The following DSP variants were observed in gnomAD, a reference collection of about 807,000 sequenced individuals.
The protein encoded by DSP is desmoplakin.
Under a neutral mutation model 290.6 loss-of-function variants are expected in DSP, and 114 were observed. The observed-to-expected ratio is 0.39, with a 90% CI of 0.34 to 0.46. The LOEUF is 0.46. Ranked by LOEUF, DSP falls within the 20% of genes least tolerant of loss-of-function variation. DSP has a pLI of 0.99. For missense variants in DSP, 3,230 were observed against 3,495.8 expected (o/e 0.92, Z 1.92); for synonymous variants, 1,311 against 1,316.4 (o/e 1.00, Z 0.09).
chr6:7,570,431 T>A lies in DSP; in HGVS notation c.1575-6T>A. 6.2e-7 allele frequency: 1 copy of A among 1,614,204 alleles called. No individual in the cohort carries two copies. Among genetic ancestry groups the A allele is most frequent in the Non-Finnish European group, 8.5e-7 (1 of 1,180,038 alleles). ...CTCTAGCATGTTTTCCCTTTGTGCC[T>A]CTTAGGATTGAGCAGTACTACGAAG... On this transcript the variant is annotated splice_region_variant and splice_polypyrimidine_tract_variant and intron_variant, in intron 12 of 23. Transcript: ENST00000379802.
At position 7,579,159 on chromosome 6, in the gene DSP, CCA is replaced by C. The variant is rs200472432; in HGVS notation, c.3085-115_3085-114del. On this transcript the variant is annotated intron_variant, in intron 22 of 23. Transcript: ENST00000379802. This position sits in a 1 kb window ranked among gnomAD's most constrained non-coding sequence, Gnocchi z 4.1. ...GCCTAGTCACTCTTTGCATGTATGTCCATGTGTGTAAAGAGAAATAAGAATGC... is the reference window on the plus strand; with the variant it reads ...GCCTAGTCACTCTTTGCATGTATGTCTGTGTGTAAAGAGAAATAAGAATGC... 24 of 1,391,676 alleles carry C rather than the reference CCA, an allele frequency of 1.7e-5. No individual in the cohort carries two copies. The highest frequency in any genetic ancestry group is 5.9e-5 in the African/African-American group (4 of 68,168). 86.2% of individuals were successfully genotyped at this position (1,391,676 alleles called of 1,614,324 possible).
rs766022243 is a variant in DSP at position 7,555,812 on chromosome 6, G to A, written c.265G>A (p.Val89Met). The change falls in exon 2 of 24, where the codon GTG becomes ATG. Residue 89 changes from valine (V) to methionine (M), a missense_variant. This residue lies in a region of DSP where 646 missense variants were observed against 684.3 expected (regional missense o/e 0.94). Transcript: ENST00000379802. Reference protein sequence around the residue: ...SDCLMRAELIVQPELKYGDGI... With the variant: ...SDCLMRAELIMQPELKYGDGI... Reference sequence around the variant, plus strand: ...CTGCTTGATGCGAGCAGAGCTCATCGTGCAGCCTGTAAGCTTTCCCTGTTC... The same window carrying A: ...CTGCTTGATGCGAGCAGAGCTCATCATGCAGCCTGTAAGCTTTCCCTGTTC... 13 of 1,613,760 alleles carry A rather than the reference G, an allele frequency of 8.1e-6. No individual in the cohort carries two copies. The highest frequency in any genetic ancestry group is 3.3e-5 in the South Asian group (3 of 91,060).
intron 20 of DSP, 24 bp downstream of exon 20, chr6:7,577,066 T>C (rs1290427603): frequency 1.3e-6 from 2 of 1,580,994 alleles, no homozygotes; most frequent in East Asian, 4.5e-5. Context: ...ATAAAGAATG[T>C]TGGTATTTCA....
rs1164622831 is a variant in DSP, at chr6:7,580,494, C to T, written c.4304C>T (p.Ala1435Val). 1 of 1,614,002 alleles carries T rather than the reference C, an allele frequency of 6.2e-7. No homozygotes were observed. Among genetic ancestry groups the T allele is most frequent in the Non-Finnish European group, 8.5e-7 (1 of 1,180,016 alleles). Residue 1435 changes from alanine to valine, a missense_variant, in exon 23 of 24, where the codon GCC (alanine) becomes GTC (valine). Around this residue, in one of 5 missense-constraint regions of DSP, gnomAD observed 1,714 missense variants for 1,844.5 expected, o/e 0.93. Transcript: ENST00000379802. The surrounding 1 kb of genome is among the most constrained non-coding windows in gnomAD (Gnocchi z 4.2). ...GAAGAAGACATCCAACAGCAAAAGG[C>T]CACTGGCTCTGAGGTGTCTCAGAGG... ...RVEEDIQQQKATGSEVSQRKQ... is the reference protein window; with the variant it reads ...RVEEDIQQQKVTGSEVSQRKQ...
In DSP at chr6:7,577,772, G is replaced by A. The variant is rs1054201709; in HGVS notation, c.2878-7G>A. ...GGACACTTTTCTTAAACTTCATTATGCTGCAGGATTATGAGCTCCAGCTGG... is the reference window on the plus strand; with the variant it reads ...GGACACTTTTCTTAAACTTCATTATACTGCAGGATTATGAGCTCCAGCTGG... On this transcript the variant is annotated splice_polypyrimidine_tract_variant and splice_region_variant and intron_variant, in intron 20 of 23. Coordinates refer to ENST00000379802, the MANE Select transcript of DSP (RefSeq NM_004415.4). 1.2e-6 allele frequency: 2 copies of A among 1,610,302 alleles called. No individual in the cohort carries two copies. The highest frequency in any genetic ancestry group is 1.7e-5 in the Admixed American group (1 of 60,024).
At chr6:7,548,892 T>G (rs2261169) in intron 1 of DSP, among the ~76,000 whole-genome samples, 98,185 of 152,064 alleles carry the variant, frequency 0.65, 32,496 homozygotes, top group African/African-American at 0.78. Flanking sequence ...AAACAAACAT[T>G]CATTAAGTAC....
chr6:7,558,918 C>T (rs1758586573), intron 3 of DSP, among the ~76,000 whole-genome samples: 1 of 152,084 alleles, frequency 6.6e-6, no homozygotes, highest in Non-Finnish European at 1.5e-5. Flanking sequence ...TCTACTACTA[C>T]CTGGGGCCCA....
chr6:7,568,627 G>A, intron 11 of DSP, 38 bp downstream of exon 11: 1 of 1,610,720 alleles, frequency 6.2e-7, no homozygotes, highest in Non-Finnish European at 8.5e-7. Context: ...AGTTTTCCCT[G>A]TCTTTACACA....
At chr6:7,549,341 G>GCTAA (rs1758266622) in intron 1 of DSP, among the ~76,000 whole-genome samples, 1 of 152,122 alleles carries the variant, frequency 6.6e-6, no homozygotes, top group Non-Finnish European at 1.5e-5. Flanking sequence ...TAGAGACGGG[G>GCTAA]TTTCTCCATG....
intron 3 of DSP, among the ~76,000 whole-genome samples, chr6:7,558,507 C>CTTTTTTTT (rs145193988): frequency 7.7e-5 from 8 of 104,548 alleles, no homozygotes; most frequent in Non-Finnish European, 1.3e-4. Flanking sequence ...TGGCATTTGA[C>CTTTTTTTT]TTTTTTTTTT....
intron 1 of DSP, among the ~76,000 whole-genome samples, chr6:7,552,717 GTCTTC>G (rs2062394728): frequency 6.7e-6 from 1 of 149,656 alleles, no homozygotes; most frequent in South Asian, 2.1e-4. Context: ...CAGGCAAGGT[GTCTTC>G]TCTTTATAGG....
At chr6:7,542,921 G>A (rs1758049895) in intron 1 of DSP, among the ~76,000 whole-genome samples, 1 of 145,988 alleles carries the variant, frequency 6.8e-6, no homozygotes, top group Admixed American at 6.8e-5. Context: ...CTTTGATCCA[G>A]AATGTGTGGG....
chr6:7,581,032 C>T lies in DSP; in HGVS notation c.4842C>T (p.Asn1614=), dbSNP rs757848942. 3 of 1,614,022 alleles carry T rather than the reference C, an allele frequency of 1.9e-6. No individual in the cohort carries two copies. Among genetic ancestry groups the T allele is most frequent in the Non-Finnish European group, 2.5e-6 (3 of 1,180,018 alleles). Residue 1614 remains asparagine, a synonymous_variant, in exon 23 of 24, where the codon AAC becomes AAT. Transcript: ENST00000379802. ...SLKEQAIKIT[N]LTQQLEQASI... The stretch of plus-strand genomic sequence containing the variant: ...AGGAGCAAGCCATCAAAATCACCAA[C>T]CTGACCCAGCAGCTGGAGCAGGCAT...
chr6:7,576,788 G>A (rs1002088218), intron 19 of DSP, among the ~76,000 whole-genome samples, 171 bp from the exon 20 acceptor site: 3 of 152,108 alleles, frequency 2.0e-5, no homozygotes, highest in Non-Finnish European at 2.9e-5. Context: ...TCTCTTCTCT[G>A]AATGGAAAAA....
Position 7,584,833 on chromosome 6 carries a change from C to A in DSP, c.7571C>A (p.Thr2524Lys). Residue 2524 changes from threonine (T) to lysine (K), a missense_variant, in exon 24 of 24, where the codon ACA (threonine) becomes AAA (lysine). By Grantham distance (78) the Thr-to-Lys change is moderately conservative. Transcript: ENST00000379802. The surrounding 1 kb of genome is among the most constrained non-coding windows in gnomAD (Gnocchi z 6.4). ...STRVVLVDRK[T>K]GSQYDIQDAI... is the part of the protein sequence containing the mutation. ...AGGGTGGTCCTGGTAGATAGAAAGA[C>A]AGGCAGTCAGTATGATATTCAAGAT... 3 of 1,614,192 alleles carry A rather than the reference C, an allele frequency of 1.9e-6. No individual in the cohort carries two copies. In the South Asian group the frequency reaches 3.3e-5, roughly 18 times the overall value.
Position 7,565,700 on chromosome 6 carries a change from C to A in DSP, c.939+180C>A. 1 of 744,254 alleles carries A rather than the reference C, an allele frequency of 1.3e-6. No homozygotes were observed. Among genetic ancestry groups the A allele is most frequent in the Non-Finnish European group, 2.2e-6 (1 of 457,532 alleles). 46.1% of individuals were successfully genotyped at this position (744,254 alleles called of 1,614,324 possible). On this transcript the variant is annotated intron_variant, in intron 7 of 23. Coordinates refer to ENST00000379802, the MANE Select transcript of DSP (RefSeq NM_004415.4). This position sits in a 1 kb window ranked among gnomAD's most constrained non-coding sequence, Gnocchi z 4.2. ...AACTTCTCCGTGTGGAGGCCATTAT[C>A]CTTAGCAAACTTATGCGGGAACAGA...
At chr6:7,547,215 G>A (rs753109292) in intron 1 of DSP, among the ~76,000 whole-genome samples, 2 of 151,882 alleles carry the variant, frequency 1.3e-5, no homozygotes, top group Non-Finnish European at 2.9e-5. Context: ...TTGAAGTCAC[G>A]GCCCCACAGA....
Position 7,579,346 on chromosome 6 carries a change from T to C in DSP, c.3156T>C (p.Cys1052=). 1 of 1,614,108 alleles carries C rather than the reference T, an allele frequency of 6.2e-7. No individual in the cohort carries two copies. The highest frequency in any genetic ancestry group is 8.5e-7 in the Non-Finnish European group (1 of 1,180,016). ...RLARDANSEN[C]NKNKFLDQNL... ...CCCGAGATGCCAACTCGGAAAACTG[T>C]AATAAGAACAAATTCCTGGATCAGA... Residue 1052 remains cysteine (C), a synonymous_variant, in exon 23 of 24, where the codon TGT becomes TGC. Coordinates refer to ENST00000379802, the MANE Select transcript of DSP (RefSeq NM_004415.4). The surrounding 1 kb of genome is among the most constrained non-coding windows in gnomAD (Gnocchi z 4.1).
In DSP at chr6:7,565,652, G is replaced by A. The variant is rs3778337; in HGVS notation, c.939+132G>A. 0.28 allele frequency: 353,787 copies of A among 1,247,782 alleles called. 52,232 individuals are homozygous for A. The highest frequency in any genetic ancestry group is 0.47 in the East Asian group (18,788 of 39,684). The allele number at this position is 1,247,782 out of a possible 1,614,324, so 77.3% of individuals were successfully genotyped here. On this transcript the variant is annotated intron_variant, in intron 7 of 23. Coordinates refer to ENST00000379802, the MANE Select transcript of DSP (RefSeq NM_004415.4). This position sits in a 1 kb window ranked among gnomAD's most constrained non-coding sequence, Gnocchi z 4.2. ...CAATTCAGCCTTCTTTGAAATGGTCGTGAAAAATCCTTCCTTCCTGAAAAC... is the reference window on the plus strand; with the variant it reads ...CAATTCAGCCTTCTTTGAAATGGTCATGAAAAATCCTTCCTTCCTGAAAAC...
Sources: gnomAD v4.1 joint callset for allele counts (sites outside exome capture counted in the v4.1 genomes callset) on GRCh38, gnomAD v4.1.1 for gene constraint, gnomAD v4.1.1 regional missense constraint, Gnocchi (gnomAD v3.1) non-coding constraint, MANE v1.5 for transcripts, NCBI Gene and HGNC (gene_info 2026-07-23, HGNC 2026-07-21) for gene names.